CACNA2D1: variants seen among roughly 807,000 people sequenced by gnomAD.
The protein encoded by CACNA2D1 is calcium voltage-gated channel auxiliary subunit alpha2delta 1.
In CACNA2D1, 53 loss-of-function variants were observed where a neutral mutation model predicts 171.5. The ratio of observed to expected loss-of-function variants is 0.31; its 90% CI spans 0.25 to 0.39. CACNA2D1 has a LOEUF of 0.39. Ranked by LOEUF, CACNA2D1 falls within the 10% of genes least tolerant of loss-of-function variation. The pLI is 1.00. For synonymous variants in CACNA2D1, 442 were observed against 443.1 expected (o/e 1.00, Z 0.03); for missense variants, 903 against 1,299.8 (o/e 0.69, Z 4.69).
intron 3 of CACNA2D1, among the ~76,000 whole-genome samples, chr7:82,295,454 A>T (rs1289553340): frequency 6.6e-6 from 1 of 151,680 alleles, no homozygotes; most frequent in African/African-American, 2.4e-5. Context: ...CTCCTGCCTC[A>T]GCCTCCCCAG....
At chr7:82,072,012 C>G (rs1199707156) in intron 7 of CACNA2D1, among the ~76,000 whole-genome samples, 1 of 152,054 alleles carries the variant, frequency 6.6e-6, no homozygotes, top group East Asian at 1.9e-4. Context: ...CCAGGGTTAC[C>G]CTAAGCACTG....
chr7:82,412,835 C>A (rs1340805077), intron 1 of CACNA2D1, among the ~76,000 whole-genome samples: 2 of 151,990 alleles, frequency 1.3e-5, no homozygotes, highest in Non-Finnish European at 2.9e-5. Flanking sequence ...GAACATTATA[C>A]ATCTCCCTTG....
intron 3 of CACNA2D1, among the ~76,000 whole-genome samples, chr7:82,270,513 T>C (rs1808482882): frequency 6.6e-6 from 1 of 152,162 alleles, no homozygotes; most frequent in South Asian, 2.1e-4. Context: ...ATTTGGGTTG[T>C]TTCCAGTTAA....
intron 12 of CACNA2D1, among the ~76,000 whole-genome samples, chr7:82,015,059 A>G (rs528738247): frequency 2.6e-5 from 4 of 152,290 alleles, no homozygotes; most frequent in East Asian, 3.9e-4. Context: ...TTTCAAAAAA[A>G]GAAAAAAGAA....
At chr7:82,293,364 T>A (rs1811895774) in intron 3 of CACNA2D1, among the ~76,000 whole-genome samples, 1 of 152,224 alleles carries the variant, frequency 6.6e-6, no homozygotes, top group Admixed American at 6.5e-5. Flanking sequence ...TCATACATAA[T>A]CTTTGTTTAT....
chr7:82,276,851 C>T (rs774496818), intron 3 of CACNA2D1, among the ~76,000 whole-genome samples: 8 of 150,716 alleles, frequency 5.3e-5, no homozygotes, highest in East Asian at 2.0e-4. Flanking sequence ...TGTGTTCAAG[C>T]GATTCTCCTG....
chr7:82,038,230 G>A lies in CACNA2D1; in HGVS notation c.885C>T (p.Asn295=), dbSNP rs1169810924. The change falls in exon 11 of 39, where the codon AAC becomes AAT. Residue 295 remains asparagine, a synonymous_variant. Coordinates refer to ENST00000356860, the MANE Select transcript of CACNA2D1 (RefSeq NM_000722.4). The part of the protein sequence containing the change: ...DDDFVNVASF[N]SNAQDVSCFQ... ...AACAGCTTACATCCTGAGCATTGCT[G>A]TTAAACTGCAAAAGATTAAAAAGTA... The A allele has an allele frequency of 6.2e-7, 1 of 1,611,512 alleles. No individual in the cohort carries two copies. Among genetic ancestry groups the A allele is most frequent in the Non-Finnish European group, 8.5e-7 (1 of 1,178,428 alleles).
intron 6 of CACNA2D1, among the ~76,000 whole-genome samples, chr7:82,086,191 C>CATGCACA: frequency 6.6e-6 from 1 of 152,214 alleles, no homozygotes; most frequent in South Asian, 2.1e-4. Flanking sequence ...ATGGTTAAAT[C>CATGCACA]ATGCACAAGC....
At chr7:82,030,334 A>G (rs187421171) in intron 12 of CACNA2D1, among the ~76,000 whole-genome samples, 35 of 151,814 alleles carry the variant, frequency 2.3e-4, no homozygotes, top group African/African-American at 8.2e-4. Context: ...AAAAAAAAGA[A>G]AAAGATCAAA....
At chr7:82,430,935 T>C (rs1829620405) in intron 1 of CACNA2D1, among the ~76,000 whole-genome samples, 2 of 152,222 alleles carry the variant, frequency 1.3e-5, no homozygotes, top group African/African-American at 2.4e-5. Context: ...GGTAAAGCTA[T>C]GACTTTTAAA....
chr7:82,381,573 A>G (rs1823719453), intron 1 of CACNA2D1, among the ~76,000 whole-genome samples: 1 of 152,134 alleles, frequency 6.6e-6, no homozygotes, highest in South Asian at 2.1e-4. Context: ...TTATTATTTT[A>G]CCCTTACCTC....
chr7:82,182,825 C>A lies in CACNA2D1; in HGVS notation c.295-12216G>T, dbSNP rs375554174. 4.6e-5 allele frequency among the ~76,000 whole-genome samples: 7 copies of A among 152,054 alleles called. 1 individual carries two copies. Among genetic ancestry groups the A allele is most frequent in the African/African-American group, 1.7e-4 (7 of 41,512 alleles). ...GGATGAGGAGGGCGGATCACGAAGT[C>A]GGGAGTTCGAGACCTGTCTGGCCAA... On this transcript the variant is annotated intron_variant, in intron 3 of 38. Coordinates refer to ENST00000356860, the MANE Select transcript of CACNA2D1 (RefSeq NM_000722.4).
At chr7:81,996,221 C>CTT (rs113641205) in intron 19 of CACNA2D1, among the ~76,000 whole-genome samples, 2,665 of 152,224 alleles carry the variant, frequency 0.018, 74 homozygotes, top group African/African-American at 0.055. Flanking sequence ...TCATTTTGGT[C>CTT]ACTCACTGGA....
chr7:82,410,719 G>C (rs1827552897), intron 1 of CACNA2D1, among the ~76,000 whole-genome samples: 1 of 152,190 alleles, frequency 6.6e-6, no homozygotes, highest in Non-Finnish European at 1.5e-5. Context: ...CACGGGGAAG[G>C]CAGAATGAAT....
Position 82,114,935 on chromosome 7 carries a change from AG to A in CACNA2D1, c.526+2108del, listed in dbSNP as rs1391093947. Among the ~76,000 whole-genome samples, 3 of 152,206 alleles carry A rather than the reference AG, an allele frequency of 2.0e-5. No individual in the cohort carries two copies. In the East Asian group the frequency reaches 5.8e-4, roughly 29 times the overall value. Reference sequence around the variant, plus strand: ...AAAATGTTCATAGAGCAAAGCTATTAGAAAATCACTGACTTAAAATATCTTG... The same window carrying A: ...AAAATGTTCATAGAGCAAAGCTATTAAAAATCACTGACTTAAAATATCTTG... On this transcript the variant is annotated intron_variant, in intron 6 of 38. Coordinates refer to ENST00000356860, the MANE Select transcript of CACNA2D1 (RefSeq NM_000722.4).
intron 6 of CACNA2D1, among the ~76,000 whole-genome samples, chr7:82,113,269 A>G (rs1216502871): frequency 6.6e-6 from 1 of 152,168 alleles, no homozygotes; most frequent in Non-Finnish European, 1.5e-5. Flanking sequence ...AGACAGCCCT[A>G]CATTGAGTCT....
At chr7:82,140,201 A>T (rs1792205627) in intron 4 of CACNA2D1, among the ~76,000 whole-genome samples, 1 of 152,180 alleles carries the variant, frequency 6.6e-6, no homozygotes, top group Non-Finnish European at 1.5e-5. Context: ...ACAAAATGAG[A>T]AAGCACTTAC....
At chr7:82,173,841 C>T (rs1796284543) in intron 3 of CACNA2D1, among the ~76,000 whole-genome samples, 1 of 151,616 alleles carries the variant, frequency 6.6e-6, no homozygotes, top group Admixed American at 6.6e-5. Flanking sequence ...GCCAGGAGTT[C>T]AAGACCAGCC....
chr7:82,138,949 A>C (rs1422444924), intron 4 of CACNA2D1, among the ~76,000 whole-genome samples: 2 of 152,158 alleles, frequency 1.3e-5, no homozygotes, highest in African/African-American at 4.8e-5. Context: ...TCTTCATTTT[A>C]GACTTTATTT....
Sources: gnomAD v4.1 joint callset for allele counts (sites outside exome capture counted in the v4.1 genomes callset) on GRCh38, gnomAD v4.1.1 for gene constraint, MANE v1.5 for transcripts, NCBI Gene and HGNC (gene_info 2026-07-23, HGNC 2026-07-21) for gene names.